CACNA2D1: variants seen among roughly 807,000 people sequenced by gnomAD.
CACNA2D1 encodes voltage-dependent calcium channel subunit alpha-2/delta-1.
A neutral mutation model predicts 171.5 loss-of-function variants in CACNA2D1; 53 were observed. The ratio of observed to expected loss-of-function variants is 0.31; its 90% CI spans 0.25 to 0.39. The LOEUF (loss-of-function observed/expected upper bound fraction) is 0.39. Ranked by LOEUF, CACNA2D1 falls within the 10% of genes least tolerant of loss-of-function variation. CACNA2D1 has a pLI of 1.00. For missense variants in CACNA2D1, 903 were observed against 1,299.8 expected (o/e 0.69, Z 4.69); for synonymous variants, 442 against 443.1 (o/e 1.00, Z 0.03).
In CACNA2D1 at chr7:81,988,946, T is replaced by A. The variant is rs180974045; in HGVS notation, c.1796+2239A>T. On this transcript the variant is annotated intron_variant, in intron 21 of 38. Coordinates refer to ENST00000356860, the MANE Select transcript of CACNA2D1 (RefSeq NM_000722.4). ...TGATGTTAAATTTCAATAAGGGTTA[T>A]GGAGAATATGAAGTGGAAGAGGGAG... Among the ~76,000 whole-genome samples, 184 of 152,276 alleles carry A rather than the reference T, an allele frequency of 1.2e-3. 3 individuals are homozygous for A. The South Asian group carries it at 0.023, about 19-fold the overall frequency.
Position 82,293,157 on chromosome 7 carries a change from G to T in CACNA2D1, c.294+41978C>A, listed in dbSNP as rs549234259. Among the ~76,000 whole-genome samples the T allele has an allele frequency of 2.0e-5, 3 of 151,520 alleles. No individual in the cohort carries two copies. In the South Asian group the frequency reaches 6.2e-4, roughly 32 times the overall value. On this transcript the variant is annotated intron_variant, in intron 3 of 38. Coordinates refer to ENST00000356860, the MANE Select transcript of CACNA2D1 (RefSeq NM_000722.4). ...ATGAATTTTTATAAATTATCTCAAT[G>T]GCCCTTTTATATAGCACTCTAAATC...
intron 21 of CACNA2D1, among the ~76,000 whole-genome samples, chr7:81,988,071 T>C (rs1394233054): frequency 2.0e-5 from 3 of 152,116 alleles, no homozygotes; most frequent in Non-Finnish European, 4.4e-5. Context: ...AAAGTGTCCT[T>C]ATAACTGTAG....
At chr7:82,056,652 C>T (rs552326272) in intron 10 of CACNA2D1, among the ~76,000 whole-genome samples, 3 of 152,228 alleles carry the variant, frequency 2.0e-5, no homozygotes, top group South Asian at 4.1e-4. Context: ...GCTGAGTCCT[C>T]ATTATAGTAC....
chr7:82,414,300 G>C (rs1196792476), intron 1 of CACNA2D1, among the ~76,000 whole-genome samples: 3 of 152,128 alleles, frequency 2.0e-5, no homozygotes, highest in African/African-American at 7.2e-5. Flanking sequence ...ACAACACATG[G>C]TGCTAGAGAA....
At chr7:82,002,783 TGA>T (rs754126961) in intron 18 of CACNA2D1, among the ~76,000 whole-genome samples, 1 of 152,030 alleles carries the variant, frequency 6.6e-6, no homozygotes, top group Non-Finnish European at 1.5e-5. Flanking sequence ...AAGTACACAC[TGA>T]GAAAATGTTA....
At chr7:82,175,115 T>A (rs73705868) in intron 3 of CACNA2D1, among the ~76,000 whole-genome samples, 6,276 of 152,054 alleles carry the variant, frequency 0.041, 422 homozygotes, top group African/African-American at 0.14. Context: ...GATTGCAAAT[T>A]TATTGCAAGT....
rs66474649 is a variant in CACNA2D1 at position 82,066,541 on chromosome 7, AAG to A, written c.659-19_659-18del. On this transcript the variant is annotated intron_variant, in intron 7 of 38. Coordinates refer to ENST00000356860, the MANE Select transcript of CACNA2D1 (RefSeq NM_000722.4). ...ATGGTGAAGCTAAAAAAAAAAAAAA[AAG>A]AGAGATATTAAATCAAAATATTAGA... The A allele has an allele frequency of 8.1e-4, 1,267 of 1,559,452 alleles. No homozygotes were observed. Among genetic ancestry groups the A allele is most frequent in the Non-Finnish European group, 9.4e-4 (1,084 of 1,147,498 alleles).
intron 24 of CACNA2D1, among the ~76,000 whole-genome samples, chr7:81,977,077 T>C (rs1298266167): frequency 6.6e-6 from 1 of 152,140 alleles, no homozygotes; most frequent in African/African-American, 2.4e-5. Context: ...GGCCAGAACT[T>C]ACAATACTAT....
chr7:81,988,024 G>A (rs1280587553), intron 21 of CACNA2D1, among the ~76,000 whole-genome samples: 1 of 152,108 alleles, frequency 6.6e-6, no homozygotes, highest in Non-Finnish European at 1.5e-5. Flanking sequence ...AAGAGGTTGA[G>A]CATAGAGGCC....
At chr7:82,299,571 G>C (rs1005735586) in intron 3 of CACNA2D1, among the ~76,000 whole-genome samples, 7 of 151,216 alleles carry the variant, frequency 4.6e-5, no homozygotes, top group Non-Finnish European at 1.5e-5. Context: ...TGAGGCACAA[G>C]ATCACTTGAA....
chr7:81,982,474 GA>G, intron 24 of CACNA2D1, 92 bp downstream of exon 24: 1 of 778,960 alleles, frequency 1.3e-6, no homozygotes, highest in South Asian at 1.4e-5. Context: ...ATGTGATATG[GA>G]ACTAACCCAG....
At chr7:82,210,237 A>T (rs11978472) in intron 3 of CACNA2D1, among the ~76,000 whole-genome samples, 2 of 151,956 alleles carry the variant, frequency 1.3e-5, no homozygotes, top group African/African-American at 4.8e-5. Flanking sequence ...AATTATGCTG[A>T]ATTTGTAATA....
intron 3 of CACNA2D1, among the ~76,000 whole-genome samples, chr7:82,193,811 T>C (rs1166784157): frequency 6.6e-6 from 1 of 152,172 alleles, no homozygotes; most frequent in East Asian, 1.9e-4. Flanking sequence ...GATTAGCTGC[T>C]TTACAACCTG....
At chr7:82,115,918 A>G (rs1439953322) in intron 6 of CACNA2D1, among the ~76,000 whole-genome samples, 1 of 152,176 alleles carries the variant, frequency 6.6e-6, no homozygotes, top group Non-Finnish European at 1.5e-5. Flanking sequence ...ATTTCAGGAT[A>G]CTAATCTTAT....
At chr7:82,400,567 A>C (rs1826274752) in intron 1 of CACNA2D1, among the ~76,000 whole-genome samples, 1 of 151,898 alleles carries the variant, frequency 6.6e-6, no homozygotes, top group Admixed American at 6.6e-5. Flanking sequence ...AGATGGATTA[A>C]AGACTTAAAC....
At position 82,107,586 on chromosome 7, in the gene CACNA2D1, C is replaced by CTTTTTTT. The variant is rs72498624; in HGVS notation, c.526+9451_526+9457dup. On this transcript the variant is annotated intron_variant, in intron 6 of 38. Transcript: ENST00000356860. ...ATTTCACTATTACAATGAAAATAAA[C>CTTTTTTT]TTTTTTTTTTTTTTTTTGAGACAGT... is the stretch of plus-strand genomic sequence containing the variant. Among the ~76,000 whole-genome samples the CTTTTTTT allele has an allele frequency of 1.7e-3, 235 of 135,646 alleles. 5 individuals are homozygous for CTTTTTTT. The highest frequency in any genetic ancestry group is 0.014 in the South Asian group (60 of 4,172). The allele number at this position is 135,646 out of a possible 152,430, so 89.0% of individuals were successfully genotyped here.
rs75445485 is a variant in CACNA2D1 at position 82,177,893 on chromosome 7, C to T, written c.295-7284G>A. 1.0e-3 allele frequency among the ~76,000 whole-genome samples: 158 copies of T among 152,150 alleles called. 1 individual carries two copies. The highest frequency in any genetic ancestry group is 7.6e-3 in the East Asian group (39 of 5,158). ...TGTTTATATGTTTTACTTATGCTTG[C>T]TAAAAAATTTTTGCAGCCACATTAC... is the stretch of plus-strand genomic sequence containing the variant. On this transcript the variant is annotated intron_variant, in intron 3 of 38. Coordinates refer to ENST00000356860, the MANE Select transcript of CACNA2D1 (RefSeq NM_000722.4).
chr7:82,393,911 G>A (rs1418969639), intron 1 of CACNA2D1, among the ~76,000 whole-genome samples: 2 of 152,146 alleles, frequency 1.3e-5, no homozygotes, highest in South Asian at 2.1e-4. Context: ...GCATCAGTGA[G>A]AAACTAGCAG....
At chr7:82,078,677 C>G (rs1563011481) in intron 7 of CACNA2D1, among the ~76,000 whole-genome samples, 1 of 152,144 alleles carries the variant, frequency 6.6e-6, no homozygotes, top group South Asian at 2.1e-4. Flanking sequence ...GTGGATGTAG[C>G]AAATGCTACA....
Sources: allele counts gnomAD v4.1 joint callset (sites outside exome capture counted in the v4.1 genomes callset), GRCh38; gene constraint gnomAD v4.1.1; transcripts MANE v1.5; gene names NCBI Gene and HGNC (gene_info 2026-07-23, HGNC 2026-07-21).